RALYL: variants seen among roughly 807,000 people sequenced by gnomAD.
RALYL encodes RNA-binding Raly-like protein.
RALYL carries 29 observed loss-of-function variants against 35.1 expected under a neutral mutation model. The ratio of observed to expected loss-of-function variants is 0.83; its 90% CI spans 0.61 to 1.13. The LOEUF is 1.13. Among genes scored for constraint, RALYL ranks in the 50% most tolerant of loss-of-function variants. The probability of loss-of-function intolerance (pLI) is 0.00; values close to 1 mark genes in which losing one functional copy is unlikely to be tolerated. For synonymous variants in RALYL, 120 were observed against 127.6 expected (o/e 0.94, Z 0.40); for missense variants, 359 against 360.4 (o/e 1.00, Z 0.03).
chr8:84,315,519 T>C (rs1173880509), intron 1 of RALYL, among the ~76,000 whole-genome samples: 2 of 152,116 alleles, frequency 1.3e-5, no homozygotes, highest in East Asian at 1.9e-4. Flanking sequence ...GGGAGAATTG[T>C]AGGTTAGGAA....
At chr8:84,880,696 A>G (rs550942640) in intron 7 of RALYL, among the ~76,000 whole-genome samples, 1 of 152,146 alleles carries the variant, frequency 6.6e-6, no homozygotes, top group East Asian at 1.9e-4. Flanking sequence ...ACTCATTTCA[A>G]GAGTACAATT....
chr8:84,819,846 CAA>C (rs899214552), intron 4 of RALYL, among the ~76,000 whole-genome samples: 3 of 152,090 alleles, frequency 2.0e-5, no homozygotes, highest in Admixed American at 6.5e-5. Context: ...GATGATATTT[CAA>C]AAGAGTGTTA....
In RALYL at chr8:84,417,974, C is replaced by A. The variant is rs140926130; in HGVS notation, c.-23-111325C>A. Among the ~76,000 whole-genome samples, 189 of 152,276 alleles carry A rather than the reference C, an allele frequency of 1.2e-3. 1 individual carries two copies. The highest frequency in any genetic ancestry group is 2.1e-3 in the Non-Finnish European group (145 of 68,004). ...AGCACCTACTTGAAGACATAGAGAT[C>A]TTTTCCCCTACTAAGTTGCCCAACA... On this transcript the variant is annotated intron_variant, in intron 1 of 8. Coordinates refer to ENST00000521268, the MANE Select transcript of RALYL (RefSeq NM_173848.7).
At chr8:84,318,300 C>A (rs1844150169) in intron 1 of RALYL, among the ~76,000 whole-genome samples, 1 of 152,200 alleles carries the variant, frequency 6.6e-6, no homozygotes, top group Non-Finnish European at 1.5e-5. Flanking sequence ...TTTTCTGTTG[C>A]TCTCAGAATG....
chr8:84,887,869 G>C, intron 8 of RALYL, 93 bp downstream of exon 8: 1 of 1,203,964 alleles, frequency 8.3e-7, no homozygotes, highest in Non-Finnish European at 1.2e-6. Context: ...TAAATCATTT[G>C]GGGCTTATTT....
chr8:84,593,358 T>C (rs1335051556), intron 2 of RALYL, among the ~76,000 whole-genome samples: 1 of 152,102 alleles, frequency 6.6e-6, no homozygotes, highest in African/African-American at 2.4e-5. Flanking sequence ...TGATAAACTT[T>C]CCTCATGCGT....
chr8:84,206,229 C>CACAGTTCTGG (rs1194722457), intron 1 of RALYL, among the ~76,000 whole-genome samples: 1 of 152,064 alleles, frequency 6.6e-6, no homozygotes, highest in African/African-American at 2.4e-5. Flanking sequence ...GAGTATAGAT[C>CACAGTTCTGG]ACAGTTCTGG....
At chr8:84,747,770 A>G (rs557847944) in intron 2 of RALYL, among the ~76,000 whole-genome samples, 5 of 152,092 alleles carry the variant, frequency 3.3e-5, no homozygotes, top group South Asian at 4.1e-4. Flanking sequence ...GGTTTTACAC[A>G]TACTTAGGAA....
intron 1 of RALYL, among the ~76,000 whole-genome samples, chr8:84,223,743 C>T (rs538298444): frequency 6.6e-6 from 1 of 152,258 alleles, no homozygotes; most frequent in South Asian, 2.1e-4. Context: ...TTGTCCTGTA[C>T]AACTTTTTAA....
intron 3 of RALYL, among the ~76,000 whole-genome samples, chr8:84,782,585 A>G (rs567174499): frequency 6.6e-6 from 1 of 152,322 alleles, no homozygotes; most frequent in Admixed American, 6.5e-5. Flanking sequence ...TTTTATATAT[A>G]AAAGCATGGT....
At chr8:84,473,074 G>T (rs1246397691) in intron 1 of RALYL, among the ~76,000 whole-genome samples, 1 of 152,074 alleles carries the variant, frequency 6.6e-6, no homozygotes, top group African/African-American at 2.4e-5. Context: ...GTGCATATCT[G>T]TTGGGGGAAA....
chr8:84,786,480 G>T (rs185245952), intron 3 of RALYL, among the ~76,000 whole-genome samples: 1 of 151,870 alleles, frequency 6.6e-6, no homozygotes, highest in Non-Finnish European at 1.5e-5. Flanking sequence ...CCACAGCCTC[G>T]CCAGCATCTG....
At chr8:84,381,056 C>G (rs979998400) in intron 1 of RALYL, among the ~76,000 whole-genome samples, 1 of 151,674 alleles carries the variant, frequency 6.6e-6, no homozygotes, top group African/African-American at 2.4e-5. Context: ...TACAAGAGAA[C>G]AAAATTTCAT....
At chr8:84,347,582 A>G (rs1327664967) in intron 1 of RALYL, among the ~76,000 whole-genome samples, 1 of 152,108 alleles carries the variant, frequency 6.6e-6, no homozygotes, top group Non-Finnish European at 1.5e-5. Context: ...AATCTAATAT[A>G]TCCTTCTTCT....
intron 5 of RALYL, among the ~76,000 whole-genome samples, chr8:84,852,661 G>A (rs192589020): frequency 4.8e-4 from 73 of 152,134 alleles, no homozygotes; most frequent in Admixed American, 1.0e-3. Context: ...ACTCTACACC[G>A]TAGGAGACCC....
intron 2 of RALYL, among the ~76,000 whole-genome samples, chr8:84,697,484 C>T (rs1045915231): frequency 2.0e-5 from 3 of 151,980 alleles, no homozygotes; most frequent in South Asian, 2.1e-4. Context: ...TCTCCAAGTC[C>T]ATAATGGACC....
At chr8:84,532,441 T>G (rs2059335974) in intron 2 of RALYL, among the ~76,000 whole-genome samples, 2 of 152,124 alleles carry the variant, frequency 1.3e-5, no homozygotes, top group Admixed American at 1.3e-4. Context: ...GCTTCTTGAG[T>G]TTTTTGATTC....
intron 1 of RALYL, among the ~76,000 whole-genome samples, chr8:84,525,957 T>C (rs1281810963): frequency 1.1e-4 from 5 of 47,286 alleles, no homozygotes; most frequent in Admixed American, 4.3e-4. Flanking sequence ...TTTTTTCTTT[T>C]TTTTTTTTTT....
chr8:84,718,953 C>G (rs1843392055), intron 2 of RALYL, among the ~76,000 whole-genome samples: 1 of 152,094 alleles, frequency 6.6e-6, no homozygotes, highest in Non-Finnish European at 1.5e-5. Flanking sequence ...TTCCATCATT[C>G]ATACATTATG....
Sources: allele counts gnomAD v4.1 joint callset (sites outside exome capture counted in the v4.1 genomes callset), GRCh38; gene constraint gnomAD v4.1.1; transcripts MANE v1.5; gene names NCBI Gene and HGNC (gene_info 2026-07-23, HGNC 2026-07-21).